The following IQCH variants were observed in gnomAD, a reference collection of about 807,000 sequenced individuals.
IQCH encodes the protein IQ domain-containing protein H.
Under a neutral mutation model 117.0 loss-of-function variants are expected in IQCH, and 98 were observed. The observed-to-expected ratio is 0.84, with a 90% CI of 0.71 to 0.99. The LOEUF (loss-of-function observed/expected upper bound fraction) is 0.99. Among genes scored for constraint, IQCH ranks in the 50% least tolerant of loss-of-function variants. IQCH has a pLI of 0.00. For missense variants in IQCH, 1,102 were observed against 1,243.8 expected (o/e 0.89, Z 1.72); for synonymous variants, 412 against 448.2 (o/e 0.92, Z 1.02).
chr15:67,415,552 A>G (rs979669056), intron 14 of IQCH, among the ~76,000 whole-genome samples: 4 of 152,208 alleles, frequency 2.6e-5, no homozygotes, highest in Non-Finnish European at 4.4e-5. Flanking sequence ...TTTGTCTTCT[A>G]CTGTGGGTTG....
rs145372059 is a variant in IQCH, at chr15:67,314,016, C to T, written c.388-22959C>T. Among the ~76,000 whole-genome samples the T allele has an allele frequency of 8.7e-3, 1,322 of 152,276 alleles. 17 individuals are homozygous for T. The highest frequency in any genetic ancestry group is 0.029 in the African/African-American group (1,197 of 41,528). ...TTCCCCTGACCATTTACATACAACT[C>T]TCTGTCCCTTTCATATAAATGGCCA... is the stretch of plus-strand genomic sequence containing the variant. On this transcript the variant is annotated intron_variant, in intron 4 of 20. Coordinates refer to ENST00000335894, the MANE Select transcript of IQCH (RefSeq NM_001031715.3).
At position 67,431,774 on chromosome 15, in the gene IQCH, A is replaced by T. The variant is rs1042503187; in HGVS notation, c.2505+10197A>T. ...TTAGATTGTAGCCTCTTGTTTCTTG[A>T]GGAGCATGGTGATCTGGCTTTTACC... On this transcript the variant is annotated intron_variant, in intron 16 of 20. Transcript: ENST00000335894. The surrounding 1 kb of genome is among the most constrained non-coding windows in gnomAD (Gnocchi z 4.8). Among the ~76,000 whole-genome samples, 1 of 152,178 alleles carries T rather than the reference A, an allele frequency of 6.6e-6. No individual in the cohort carries two copies. The highest frequency in any genetic ancestry group is 2.4e-5 in the African/African-American group (1 of 41,430).
intron 13 of IQCH, among the ~76,000 whole-genome samples, chr15:67,398,070 T>C (rs1971526601): frequency 6.6e-6 from 1 of 152,188 alleles, no homozygotes; most frequent in African/African-American, 2.4e-5. Flanking sequence ...CTGTAGGGGA[T>C]CCATCAACAG....
intron 12 of IQCH, among the ~76,000 whole-genome samples, chr15:67,392,227 G>C (rs1294972770): frequency 1.3e-5 from 2 of 152,192 alleles, no homozygotes; most frequent in Non-Finnish European, 2.9e-5. Context: ...AACTTACCAT[G>C]ATTGCTGCCT....
chr15:67,343,875 G>A (rs890646013), intron 5 of IQCH, among the ~76,000 whole-genome samples, 188 bp from the exon 6 acceptor site: 3 of 151,976 alleles, frequency 2.0e-5, no homozygotes, highest in Admixed American at 6.6e-5. Flanking sequence ...ATTTTTCCTT[G>A]GGTTAGAATA....
At position 67,388,801 on chromosome 15, in the gene IQCH, A is replaced by G. The variant is rs1237908021; in HGVS notation, c.1457-30A>G. 4 of 1,569,480 alleles carry G rather than the reference A, an allele frequency of 2.5e-6. No homozygotes were observed. The highest frequency in any genetic ancestry group is 3.5e-6 in the Non-Finnish European group (4 of 1,140,430). ...TCATAATGTCATTTACCTTCACACC[A>G]GTAATTAACATTGTGCCTGTTGTTT... On this transcript the variant is annotated intron_variant, in intron 11 of 20. Transcript: ENST00000335894. This position sits in a 1 kb window ranked among gnomAD's most constrained non-coding sequence, Gnocchi z 5.5.
At chr15:67,306,022 T>C (rs1967276951) in intron 4 of IQCH, among the ~76,000 whole-genome samples, 1 of 151,548 alleles carries the variant, frequency 6.6e-6, no homozygotes, top group Admixed American at 6.6e-5. Flanking sequence ...CTTGATGCCA[T>C]AAAAATCTAC....
In IQCH at chr15:67,490,003, G is replaced by GA; in HGVS notation, c.2803dup (p.Arg935LysfsTer10). ...TTTTCTCCCCATTCAAATTTTACAGGAAAGGCAAGGAACTGTTTTTATATT... is the reference window on the plus strand; with the variant it reads ...TTTTCTCCCCATTCAAATTTTACAGGAAAAGGCAAGGAACTGTTTTTATATT... On this transcript the variant is annotated frameshift_variant and splice_region_variant, in exon 19 of 21. Coordinates refer to ENST00000335894, the MANE Select transcript of IQCH (RefSeq NM_001031715.3). LOFTEE classifies it high-confidence loss of function. This position sits in a 1 kb window ranked among gnomAD's most constrained non-coding sequence, Gnocchi z 4.9. 6.2e-7 allele frequency: 1 copy of GA among 1,604,382 alleles called. No individual in the cohort carries two copies. The highest frequency in any genetic ancestry group is 8.5e-7 in the Non-Finnish European group (1 of 1,171,790).
chr15:67,311,763 C>T (rs1040543102), intron 4 of IQCH, among the ~76,000 whole-genome samples: 1 of 152,060 alleles, frequency 6.6e-6, no homozygotes, highest in African/African-American at 2.4e-5. Flanking sequence ...ATTTGAAAAA[C>T]TTGTTCTACT....
intron 3 of IQCH, among the ~76,000 whole-genome samples, chr15:67,268,130 A>G (rs1965753303): frequency 6.6e-6 from 1 of 152,208 alleles, no homozygotes; most frequent in Admixed American, 6.5e-5. Flanking sequence ...TAACTGCCTG[A>G]AAATCAGAAA....
chr15:67,296,735 G>C (rs1046675782), intron 4 of IQCH, among the ~76,000 whole-genome samples: 1 of 152,118 alleles, frequency 6.6e-6, no homozygotes, highest in African/African-American at 2.4e-5. Context: ...ATGAAATGAG[G>C]CTTTGGATTC....
Position 67,372,406 on chromosome 15 carries a change from C to T in IQCH, c.1049C>T (p.Ala350Val), listed in dbSNP as rs1398984399. ...CTTCTCTCAGTGTTAGAGGACCCAG[C>T]TCATGTCCAAATGCTGATAAATCTT... is the stretch of plus-strand genomic sequence containing the variant. ...YDLLSVLEDP[A>V]HVQMLINLPG... The change falls in exon 9 of 21, where the codon GCT becomes GTT. Residue 350 changes from alanine (A) to valine (V), a missense_variant. Coordinates refer to ENST00000335894, the MANE Select transcript of IQCH (RefSeq NM_001031715.3). 3 of 1,613,984 alleles carry T rather than the reference C, an allele frequency of 1.9e-6. No individual in the cohort carries two copies. The highest frequency in any genetic ancestry group is 1.3e-5 in the African/African-American group (1 of 74,912).
At position 67,416,826 on chromosome 15, in the gene IQCH, C is replaced by A; in HGVS notation, c.2098-105C>A. On this transcript the variant is annotated intron_variant, in intron 14 of 20. Coordinates refer to ENST00000335894, the MANE Select transcript of IQCH (RefSeq NM_001031715.3). This position sits in a 1 kb window ranked among gnomAD's most constrained non-coding sequence, Gnocchi z 5.1. ...CTTTCTGACTCTGGGTAAACAGTAA[C>A]CACATTTTTTTTGCCTGTTGGAGGC... The A allele has an allele frequency of 2.3e-6, 2 of 877,880 alleles. No homozygotes were observed. Among genetic ancestry groups the A allele is most frequent in the South Asian group, 3.2e-5 (1 of 30,984 alleles). 54.4% of individuals were successfully genotyped at this position (877,880 alleles called of 1,614,324 possible). A position where few individuals can be genotyped will look rare whatever the true frequency, so the allele number is the denominator to read the frequency against.
At chr15:67,485,462 G>A (rs1401204807) in intron 18 of IQCH, among the ~76,000 whole-genome samples, 2 of 152,128 alleles carry the variant, frequency 1.3e-5, no homozygotes, top group African/African-American at 4.8e-5. Context: ...TGCAATTAGT[G>A]TCCCACAAGG....
chr15:67,376,443 G>A lies in IQCH; in HGVS notation c.1372+3010G>A, dbSNP rs139231085. ...TTCACTAGTCAAAATCAGTTGGTAG[G>A]ATTGTCTGGTTCAGGTAGGCATTTA... is the stretch of plus-strand genomic sequence containing the variant. On this transcript the variant is annotated intron_variant, in intron 10 of 20. Coordinates refer to ENST00000335894, the MANE Select transcript of IQCH (RefSeq NM_001031715.3). This position sits in a 1 kb window ranked among gnomAD's most constrained non-coding sequence, Gnocchi z 5.0. 1.9e-3 allele frequency among the ~76,000 whole-genome samples: 291 copies of A among 152,284 alleles called. 1 individual carries two copies. The highest frequency in any genetic ancestry group is 2.7e-3 in the Non-Finnish European group (182 of 68,008).
chr15:67,325,798 G>A (rs570503260), intron 4 of IQCH, among the ~76,000 whole-genome samples: 2 of 151,764 alleles, frequency 1.3e-5, no homozygotes, highest in Admixed American at 6.6e-5. Context: ...TTCATTTGAT[G>A]CTTTATTACA....
intron 5 of IQCH, 76 bp from the exon 6 acceptor site, chr15:67,343,987 T>C: frequency 7.5e-6 from 10 of 1,328,282 alleles, no homozygotes; most frequent in Non-Finnish European, 9.5e-6. Context: ...TAAGTTACAC[T>C]TGTGAAATTT....
chr15:67,466,179 C>G lies in IQCH; in HGVS notation c.2676+882C>G, dbSNP rs2082928123. On this transcript the variant is annotated intron_variant, in intron 17 of 20. Transcript: ENST00000335894. This position sits in a 1 kb window ranked among gnomAD's most constrained non-coding sequence, Gnocchi z 4.4. ...GAGTCCTGGGGCTGGCTGCGGGTTA[C>G]CAACCTCAGCACCCTGAGTAACAAA... Among the ~76,000 whole-genome samples the G allele has an allele frequency of 2.0e-5, 3 of 152,152 alleles. No individual in the cohort carries two copies. In the South Asian group the frequency reaches 6.2e-4, roughly 31 times the overall value.
intron 5 of IQCH, among the ~76,000 whole-genome samples, chr15:67,340,184 T>C (rs1969082188): frequency 6.6e-6 from 1 of 152,018 alleles, no homozygotes; most frequent in Non-Finnish European, 1.5e-5. Flanking sequence ...TCCCAGCACT[T>C]TGGGAGGCCA....
Sources: allele counts gnomAD v4.1 joint callset (sites outside exome capture counted in the v4.1 genomes callset), GRCh38; gene constraint gnomAD v4.1.1; non-coding constraint Gnocchi (gnomAD v3.1); transcripts MANE v1.5; gene names NCBI Gene and HGNC (gene_info 2026-07-23, HGNC 2026-07-21).